The following FAM184B variants were observed in gnomAD, a reference collection of about 807,000 sequenced individuals.
FAM184B encodes protein FAM184B.
A neutral mutation model predicts 135.9 loss-of-function variants in FAM184B; 111 were observed. The observed-to-expected ratio is 0.82, with a 90% CI of 0.70 to 0.96. FAM184B has a LOEUF of 0.96. Ranked by LOEUF, FAM184B falls within the 40% of genes least tolerant of loss-of-function variation. The pLI is 0.00. For synonymous variants in FAM184B, 552 were observed against 524.8 expected (o/e 1.05, Z -0.71); for missense variants, 1,375 against 1,323.9 (o/e 1.04, Z -0.60).
rs533147057 is a variant in FAM184B at position 17,679,243 on chromosome 4, C to T, written c.1596+9181G>A. On this transcript the variant is annotated intron_variant, in intron 7 of 17. Coordinates refer to ENST00000265018, the MANE Select transcript of FAM184B (RefSeq NM_015688.2). ...AACAATCAGCAGAGTAAACAGACAA[C>T]CTACAGAGTGGGATAAAATATTTGC... 1.4e-4 allele frequency among the ~76,000 whole-genome samples: 21 copies of T among 152,306 alleles called. 1 individual carries two copies. Among genetic ancestry groups the T allele is most frequent in the Non-Finnish European group, 2.9e-4 (20 of 68,032 alleles).
chr4:17,635,139 A>T (rs1321572300), intron 15 of FAM184B, 26 bp from the exon 16 acceptor site: 1 of 1,520,252 alleles, frequency 6.6e-7, no homozygotes, highest in African/African-American at 1.4e-5. Context: ...AACTGAGTCT[A>T]AATGAGCCTA....
At chr4:17,664,718 T>G in intron 7 of FAM184B, 59 bp from the exon 8 acceptor site, 1 of 1,348,346 alleles carries the variant, frequency 7.4e-7, no homozygotes. Context: ...TAAGTACAGC[T>G]TCATGATTCA....
chr4:17,657,055 T>A (rs186442772), intron 10 of FAM184B, among the ~76,000 whole-genome samples: 17 of 152,354 alleles, frequency 1.1e-4, no homozygotes, highest in Admixed American at 5.9e-4. Flanking sequence ...CATATTTTCC[T>A]TATTGAGAAT....
chr4:17,767,586 A>G (rs1477961612), intron 1 of FAM184B, among the ~76,000 whole-genome samples: 1 of 152,240 alleles, frequency 6.6e-6, no homozygotes, highest in African/African-American at 2.4e-5. Context: ...ACTTAAGCCA[A>G]AATGGGAGAA....
chr4:17,634,440 C>T (rs763556811), intron 16 of FAM184B, among the ~76,000 whole-genome samples: 3 of 152,166 alleles, frequency 2.0e-5, no homozygotes, highest in Non-Finnish European at 4.4e-5. Flanking sequence ...TCTCCTACCT[C>T]GGCCTCCTGA....
chr4:17,756,745 C>A (rs1416114901), intron 1 of FAM184B, among the ~76,000 whole-genome samples: 2 of 152,054 alleles, frequency 1.3e-5, no homozygotes, highest in African/African-American at 4.8e-5. Context: ...GACAACATGG[C>A]AAAAACCTGT....
chr4:17,714,578 G>A (rs191730471), intron 1 of FAM184B, among the ~76,000 whole-genome samples: 5 of 152,202 alleles, frequency 3.3e-5, no homozygotes, highest in African/African-American at 1.2e-4. Context: ...GCATCTATTA[G>A]TACCTGTTTG....
chr4:17,652,896 C>T lies in FAM184B; in HGVS notation c.2125G>A (p.Glu709Lys). The change falls in exon 11 of 18, where the codon GAA (glutamate) becomes AAA (lysine). Residue 709 changes from glutamate to lysine, a missense_variant. Coordinates refer to ENST00000265018, the MANE Select transcript of FAM184B (RefSeq NM_015688.2). Reference protein sequence around the residue: ...THRLELQALEEKARQELQEER... With the variant: ...THRLELQALEKKARQELQEER... ...TCCTGCAGCTCTTGCCTGGCCTTTT[C>T]CTCCAAGGCCTGGAGCTCCAGTCGG... 1.9e-6 allele frequency: 3 copies of T among 1,551,774 alleles called. No individual in the cohort carries two copies. Among genetic ancestry groups the T allele is most frequent in the Non-Finnish European group, 2.6e-6 (3 of 1,147,002 alleles).
Position 17,631,551 on chromosome 4 carries a change from T to C in FAM184B, c.*981A>G, listed in dbSNP as rs1367137649. 5.9e-5 allele frequency: 9 copies of C among 152,366 alleles called. No homozygotes were observed. Among genetic ancestry groups the C allele is most frequent in the Admixed American group, 5.9e-4 (9 of 15,308 alleles). The allele number at this position is 152,366 out of a possible 1,614,324, so 9.4% of individuals were successfully genotyped here. A position where few individuals can be genotyped will look rare whatever the true frequency, so the allele number is the denominator to read the frequency against. ...ACTATGGTCATTACACTGAGACCTATAACTGGGCTAGGATTGGTTATTTAC... is the reference window on the plus strand; with the variant it reads ...ACTATGGTCATTACACTGAGACCTACAACTGGGCTAGGATTGGTTATTTAC... On this transcript the variant is annotated 3_prime_UTR_variant, in exon 18 of 18. Transcript: ENST00000265018.
At chr4:17,644,949 CAGAG>C (rs537720672) in intron 12 of FAM184B, among the ~76,000 whole-genome samples, 96 of 152,224 alleles carry the variant, frequency 6.3e-4, no homozygotes, top group East Asian at 3.5e-3. Flanking sequence ...AACAGACAAA[CAGAG>C]AGCCAAATCA....
intron 5 of FAM184B, among the ~76,000 whole-genome samples, chr4:17,695,377 G>A (rs1716832470): frequency 6.6e-6 from 1 of 152,024 alleles, no homozygotes; most frequent in Non-Finnish European, 1.5e-5. Context: ...TGTAGCCCAG[G>A]CTGGTCTTGA....
At chr4:17,720,719 C>T (rs1717503551) in intron 1 of FAM184B, among the ~76,000 whole-genome samples, 1 of 151,566 alleles carries the variant, frequency 6.6e-6, no homozygotes, top group African/African-American at 2.4e-5. Flanking sequence ...AACCCCGTCT[C>T]TACTAAAAAT....
At chr4:17,737,667 C>T (rs1216261216) in intron 1 of FAM184B, among the ~76,000 whole-genome samples, 1 of 152,074 alleles carries the variant, frequency 6.6e-6, no homozygotes, top group Non-Finnish European at 1.5e-5. Context: ...TTTCAGTGTT[C>T]CTCCCCCGAA....
intron 1 of FAM184B, among the ~76,000 whole-genome samples, chr4:17,725,354 C>T (rs1393258057): frequency 6.6e-6 from 1 of 152,126 alleles, no homozygotes; most frequent in African/African-American, 2.4e-5. Flanking sequence ...GCAGTGCTGC[C>T]TGGGAAAAAG....
At chr4:17,649,776 C>T (rs974413752) in intron 11 of FAM184B, among the ~76,000 whole-genome samples, 2 of 152,108 alleles carry the variant, frequency 1.3e-5, no homozygotes, top group Non-Finnish European at 2.9e-5. Context: ...CCTCCTCTCT[C>T]ATACCTTCCC....
chr4:17,666,638 G>T (rs764298295), intron 7 of FAM184B, among the ~76,000 whole-genome samples: 2 of 151,434 alleles, frequency 1.3e-5, no homozygotes, highest in Non-Finnish European at 2.9e-5. Flanking sequence ...TGGGATTTTT[G>T]TTCCCTGGAC....
At chr4:17,736,585 A>G (rs1238867397) in intron 1 of FAM184B, among the ~76,000 whole-genome samples, 1 of 152,156 alleles carries the variant, frequency 6.6e-6, no homozygotes, top group African/African-American at 2.4e-5. Context: ...TTCTCAACCT[A>G]CAACTTCTGT....
chr4:17,734,561 C>T (rs1398013140), intron 1 of FAM184B, among the ~76,000 whole-genome samples: 1 of 151,942 alleles, frequency 6.6e-6, no homozygotes, highest in Non-Finnish European at 1.5e-5. Context: ...ATTTATGCAG[C>T]CAAAAAACAC....
chr4:17,688,587 A>G (rs1025685138), intron 6 of FAM184B, 56 bp from the exon 7 acceptor site: 8 of 1,305,286 alleles, frequency 6.1e-6, no homozygotes, highest in Non-Finnish European at 8.5e-6. Context: ...CCTCCTCGAT[A>G]CAGTCATTCA....
Sources: gnomAD v4.1 joint callset for allele counts (sites outside exome capture counted in the v4.1 genomes callset) on GRCh38, gnomAD v4.1.1 for gene constraint, MANE v1.5 for transcripts, NCBI Gene and HGNC (gene_info 2026-07-23, HGNC 2026-07-21) for gene names.